Variants in ZNF529 observed in about 807,000 individuals in gnomAD.
ZNF529 encodes the protein zinc finger protein 529.
ZNF529 carries 11 observed loss-of-function variants against 10.1 expected under a neutral mutation model. The observed-to-expected ratio is 1.09, with a 90% CI of 0.69 to 1.81. The LOEUF (loss-of-function observed/expected upper bound fraction) is 1.81. Ranked by LOEUF, ZNF529 falls within the 40% of genes most tolerant of loss-of-function variation. The pLI, the probability that ZNF529 is intolerant of heterozygous loss-of-function variation, is 0.00. For missense variants in ZNF529, 624 were observed against 666.8 expected (o/e 0.94, Z 0.71); for synonymous variants, 204 against 215.7 (o/e 0.95, Z 0.47).
chr19:36,576,374 T>C (rs1033318341), upstream of ZNF529, among the ~76,000 whole-genome samples: 5 of 152,148 alleles, frequency 3.3e-5, no homozygotes, highest in Non-Finnish European at 7.4e-5. Context: ...CAGATAACGA[T>C]GTTGCCTTCT....
intron 1 of ZNF529, 124 bp from the exon 2 acceptor site, chr19:36,572,516 G>A (rs2036161008): frequency 1.4e-6 from 1 of 709,140 alleles, no homozygotes; most frequent in South Asian, 1.9e-5. Context: ...AGGGAAACTA[G>A]AATACTGTCG....
intron 2 of ZNF529, among the ~76,000 whole-genome samples, chr19:36,568,710 G>A (rs1013917230): frequency 1.3e-5 from 2 of 152,042 alleles, no homozygotes; most frequent in Non-Finnish European, 2.9e-5. Flanking sequence ...AACCTCAAGT[G>A]ATCTGCCTGC....
rs1270656171 is a variant in ZNF529 at position 36,547,372 on chromosome 19, A to C, written c.1186T>G (p.Cys396Gly). The C allele has an allele frequency of 3.1e-6, 5 of 1,613,856 alleles. No homozygotes were observed. Among genetic ancestry groups the C allele is most frequent in the Non-Finnish European group, 4.2e-6 (5 of 1,179,972 alleles). Residue 396 changes from cysteine to glycine, a missense_variant, in exon 5 of 5, where the codon TGC becomes GGC. Cys to Gly is a radical substitution (Grantham distance 159). Transcript: ENST00000591340. ...CTAAAGACCTTTCCACATGCTTTGCATTCATAGGGTTTCTTACCAGTATGA... is the reference window on the plus strand; with the variant it reads ...CTAAAGACCTTTCCACATGCTTTGCCTTCATAGGGTTTCTTACCAGTATGA... ...RIHTGKKPYE[C>G]KACGKVFRNS...
intron 4 of ZNF529, 98 bp from the exon 5 acceptor site, chr19:36,548,420 G>T: frequency 1.7e-6 from 2 of 1,157,538 alleles, no homozygotes; most frequent in Non-Finnish European, 2.4e-6. Flanking sequence ...TACATGAATT[G>T]GTTAAAATAC....
chr19:36,582,727 AGAT>A (rs1223384567), intron 2 of ZNF529: 3 of 141,800 alleles, frequency 2.1e-5, no homozygotes, highest in Non-Finnish European at 4.7e-5. Context: ...AAAAAAAAAA[AGAT>A]GAGCATAAAT....
chr19:36,594,361 G>C (rs1476583373), intron 1 of ZNF529: 1 of 152,112 alleles, frequency 6.6e-6, no homozygotes, highest in East Asian at 1.9e-4. Context: ...TTGATAAACA[G>C]AATACAACAG....
upstream of ZNF529, chr19:36,577,049 C>A: frequency 2.7e-6 from 1 of 367,426 alleles, no homozygotes; most frequent in Non-Finnish European, 5.5e-6. Flanking sequence ...ACCTCTTAGG[C>A]TCAAGTGACT....
intron 1 of ZNF529, among the ~76,000 whole-genome samples, chr19:36,600,254 AG>A (rs2036902654): frequency 6.6e-6 from 1 of 152,184 alleles, no homozygotes; most frequent in Non-Finnish European, 1.5e-5. Flanking sequence ...TGCAAAATTG[AG>A]GTAAGTGGCC....
chr19:36,554,755 C>A lies in ZNF529; in HGVS notation c.150G>T (p.Gln50His). 1 of 1,577,228 alleles carries A rather than the reference C, an allele frequency of 6.3e-7. No homozygotes were observed. The highest frequency in any genetic ancestry group is 1.4e-5 in the African/African-American group (1 of 73,956). The part of the protein sequence containing the change: ...TLRDVVINFS[Q>H]EEWEYLDSAQ... ...CAGAATCCAGATATTCCCATTCCTC[C>A]TGAGAGAAGTTGATGACCACATCCC... Residue 50 changes from glutamine (Q) to histidine (H), a missense_variant, in exon 4 of 5, where the codon CAG (glutamine) becomes CAT (histidine). Transcript: ENST00000591340.
chr19:36,592,687 G>A (rs2036751746), intron 1 of ZNF529, among the ~76,000 whole-genome samples: 2 of 151,818 alleles, frequency 1.3e-5, no homozygotes, highest in Admixed American at 6.6e-5. Context: ...ACTAATACAA[G>A]ATTTAACAAA....
chr19:36,555,989 C>T, intron 3 of ZNF529, 115 bp downstream of exon 3: 1 of 1,076,454 alleles, frequency 9.3e-7, no homozygotes, highest in Non-Finnish European at 1.3e-6. Flanking sequence ...GACTCCAGCC[C>T]TTACTAGAAA....
chr19:36,600,775 C>A (rs1380086093), intron 1 of ZNF529, among the ~76,000 whole-genome samples: 1 of 152,180 alleles, frequency 6.6e-6, no homozygotes, highest in Admixed American at 6.5e-5. Context: ...TATCCCTGTT[C>A]TAGACAGAGC....
intron 2 of ZNF529, among the ~76,000 whole-genome samples, chr19:36,566,809 C>T (rs763608470): frequency 3.3e-5 from 5 of 152,016 alleles, no homozygotes; most frequent in South Asian, 2.1e-4. Flanking sequence ...CACCTGAGGT[C>T]GGGAGTTTCA....
chr19:36,548,252 C>G lies in ZNF529; in HGVS notation c.306G>C (p.Gln102His). 1 of 1,613,552 alleles carries G rather than the reference C, an allele frequency of 6.2e-7. No homozygotes were observed. The highest frequency in any genetic ancestry group is 1.1e-5 in the South Asian group (1 of 91,022). ...GKDIIQNTGS[Q>H]WEVMESSKLC... ...ACTTGCTACTTTCCATTACCTCCCA[C>G]TGAGAACCAGTGTTTTGAATAATAT... The change falls in exon 5 of 5, where the codon CAG (glutamine) becomes CAC (histidine). Residue 102 changes from glutamine (Q) to histidine (H), a missense_variant. By Grantham distance (24) the Gln-to-His change is conservative. Coordinates refer to ENST00000591340, the MANE Select transcript of ZNF529 (RefSeq NM_020951.5).
At chr19:36,577,000 TG>T, upstream of ZNF529, 2 of 263,818 alleles carry the variant, frequency 7.6e-6, no homozygotes, top group South Asian at 3.2e-5. Flanking sequence ...TCACCCAGGC[TG>T]GGGGGCAGTG....
chr19:36,547,333 G>T lies in ZNF529; in HGVS notation c.1225C>A (p.Leu409Met). Residue 409 changes from leucine (L) to methionine (M), a missense_variant, in exon 5 of 5, where the codon CTG becomes ATG. Physicochemically the swap from Leu to Met is conservative, Grantham distance 15. Coordinates refer to ENST00000591340, the MANE Select transcript of ZNF529 (RefSeq NM_020951.5). Reference sequence around the variant, plus strand: ...GTATGAATCCTCTGATGTCTAGTCAGGGATGAACTATTTCTAAAGACCTTT... The same window carrying T: ...GTATGAATCCTCTGATGTCTAGTCATGGATGAACTATTTCTAAAGACCTTT... ...CGKVFRNSSSLTRHQRIHTGE... is the reference protein window; with the variant it reads ...CGKVFRNSSSMTRHQRIHTGE... 6.2e-7 allele frequency: 1 copy of T among 1,613,656 alleles called. No homozygotes were observed.
rs368650554 is a variant in ZNF529 at position 36,571,301 on chromosome 19, G to A, written c.14+1032C>T. On this transcript the variant is annotated intron_variant, in intron 2 of 4. Transcript: ENST00000591340. ...TTTCAGTGTATTCATATCATTACAT[G>A]TTGAAATAATATTTTGGATATATTG... is the stretch of plus-strand genomic sequence containing the variant. Among the ~76,000 whole-genome samples, 15 of 152,256 alleles carry A rather than the reference G, an allele frequency of 9.9e-5. No individual in the cohort carries two copies. The South Asian group carries it at 2.5e-3, about 25-fold the overall frequency.
chr19:36,548,780 G>A (rs1054230455), intron 4 of ZNF529, among the ~76,000 whole-genome samples: 1 of 152,142 alleles, frequency 6.6e-6, no homozygotes, highest in Admixed American at 6.5e-5. Flanking sequence ...TAGCACTCTG[G>A]GAGGGCAAGG....
chr19:36,551,511 A>G (rs2035256571), intron 4 of ZNF529, among the ~76,000 whole-genome samples: 1 of 152,232 alleles, frequency 6.6e-6, no homozygotes, highest in Non-Finnish European at 1.5e-5. Context: ...GAGACTTAAT[A>G]GAAGGTATGA....
Sources: gnomAD v4.1 joint callset for allele counts (sites outside exome capture counted in the v4.1 genomes callset) on GRCh38, gnomAD v4.1.1 for gene constraint, MANE v1.5 for transcripts, NCBI Gene and HGNC (gene_info 2026-07-23, HGNC 2026-07-21) for gene names.